The following LRRC18 variants were observed in gnomAD, a reference collection of about 807,000 sequenced individuals.
LRRC18 encodes leucine rich repeat containing 18, also known as leucine-rich repeat-containing protein 18.
In LRRC18, 12 loss-of-function variants were observed where a neutral mutation model predicts 11.2. The ratio of observed to expected loss-of-function variants is 1.07; its 90% CI spans 0.69 to 1.74. LRRC18 has a LOEUF of 1.74. LRRC18 is among the 40% of genes most tolerant of loss of function. LRRC18 has a pLI of 0.00. For missense variants in LRRC18, 374 were observed against 330.5 expected, an observed-to-expected ratio of 1.13 and a Z score of -1.02; for synonymous variants, 155 against 130.6, an observed-to-expected ratio of 1.19 and a Z score of -1.27.
exon 1 of LRRC18, chr10:48,914,007 C>T: frequency 6.2e-7 from 1 of 1,614,212 alleles, no homozygotes. Context: ...GTCCATGTCA[C>T]TAAGGCGCAG....
chr10:48,923,556 A>G, the LRRC18 span, among the ~76,000 whole-genome samples: 1 of 145,432 alleles, frequency 6.9e-6, no homozygotes, highest in South Asian at 2.3e-4. Flanking sequence ...TGGCAACCCT[A>G]TCCCATGGGC....
At chr10:48,927,775 A>G in the LRRC18 span, among the ~76,000 whole-genome samples, 1 of 152,252 alleles carries the variant, frequency 6.6e-6, no homozygotes, top group African/African-American at 2.4e-5. Context: ...CACACGGCCC[A>G]ATAACAAAAG....
exon 1 of LRRC18, chr10:48,913,997 G>T: frequency 6.2e-7 from 1 of 1,614,176 alleles, no homozygotes; most frequent in Middle Eastern, 1.6e-4. Context: ...GGTCCAGCTC[G>T]TCCATGTCAC....
At chr10:48,910,681 T>C (rs1412440138) in intron 1 of LRRC18, among the ~76,000 whole-genome samples, 4 of 152,168 alleles carry the variant, frequency 2.6e-5, no homozygotes, top group Middle Eastern at 3.2e-3. Flanking sequence ...GTCTCAATCC[T>C]GGTAAAGTTA....
At chr10:48,926,174 C>T in the LRRC18 span, among the ~76,000 whole-genome samples, 3 of 152,200 alleles carry the variant, frequency 2.0e-5, no homozygotes, top group South Asian at 4.1e-4. Flanking sequence ...AGGAAGCCAT[C>T]CTGGAATCCT....
At chr10:48,919,043 A>G (rs1230548880), upstream of LRRC18, among the ~76,000 whole-genome samples, 1 of 152,222 alleles carries the variant, frequency 6.6e-6, no homozygotes. Context: ...TACATATGGA[A>G]TATCCACTAA....
At chr10:48,930,899 C>A in the LRRC18 span, among the ~76,000 whole-genome samples, 1 of 152,130 alleles carries the variant, frequency 6.6e-6, no homozygotes, top group Non-Finnish European at 1.5e-5. Context: ...CACACATGCA[C>A]CCCCATACCC....
At chr10:48,929,954 T>C in the LRRC18 span, among the ~76,000 whole-genome samples, 1 of 152,116 alleles carries the variant, frequency 6.6e-6, no homozygotes, top group Non-Finnish European at 1.5e-5. Context: ...TCCAATAGCA[T>C]CTGGCATCTA....
At chr10:48,924,200 T>C in the LRRC18 span, among the ~76,000 whole-genome samples, 96,134 of 152,106 alleles carry the variant, frequency 0.63, 31,087 homozygotes, top group East Asian at 1. Flanking sequence ...CTTCCACCCT[T>C]TCTGCGCTTC....
intron 1 of LRRC18, among the ~76,000 whole-genome samples, chr10:48,911,454 A>T (rs1054999727): frequency 6.6e-6 from 1 of 152,228 alleles, no homozygotes; most frequent in East Asian, 1.9e-4. Flanking sequence ...AAAATATTTT[A>T]AAATGTTTTA....
chr10:48,939,375 C>A, the LRRC18 span, among the ~76,000 whole-genome samples: 3 of 152,302 alleles, frequency 2.0e-5, no homozygotes, highest in South Asian at 6.2e-4. Context: ...CAGGTGTGGC[C>A]AGTGTGTTGC....
upstream of LRRC18, among the ~76,000 whole-genome samples, chr10:48,917,859 C>A (rs377422491): frequency 5.9e-5 from 9 of 152,070 alleles, no homozygotes; most frequent in African/African-American, 1.9e-4. Context: ...TCTAAATACC[C>A]TTAAAATATG....
At chr10:48,926,630 G>C in the LRRC18 span, among the ~76,000 whole-genome samples, 1 of 152,048 alleles carries the variant, frequency 6.6e-6, no homozygotes, top group Non-Finnish European at 1.5e-5. Flanking sequence ...CACTGTCCAG[G>C]GGCCAATATG....
At chr10:48,926,495 C>T in the LRRC18 span, among the ~76,000 whole-genome samples, 5 of 152,188 alleles carry the variant, frequency 3.3e-5, no homozygotes, top group African/African-American at 1.2e-4. Context: ...GAGAGGCAGC[C>T]TTAGCCAAAG....
At chr10:48,929,274 G>A in the LRRC18 span, among the ~76,000 whole-genome samples, 1 of 151,740 alleles carries the variant, frequency 6.6e-6, no homozygotes, top group African/African-American at 2.4e-5. Context: ...AGGAAGGGAG[G>A]GTGGGAGGAG....
At position 48,913,996 on chromosome 10, in the gene LRRC18, C is replaced by A. The variant is rs191550753; in HGVS notation, c.160G>T (p.Glu54Ter). The change falls in exon 1 of 2, where the codon GAG becomes TAG. Residue 54 changes from glutamate to a stop codon, truncating the protein, a stop_gained. Transcript: ENST00000374160. LOFTEE classifies it high-confidence loss of function. ...ATAAGATTCCGGCTAAGGTCCAGCTCGTCCATGTCACTAAGGCGCAGAATA... is the reference window on the plus strand; with the variant it reads ...ATAAGATTCCGGCTAAGGTCCAGCTAGTCCATGTCACTAAGGCGCAGAATA... The A allele has an allele frequency of 5.0e-6, 8 of 1,613,998 alleles. No individual in the cohort carries two copies. The highest frequency in any genetic ancestry group is 6.8e-6 in the Non-Finnish European group (8 of 1,180,014).
chr10:48,913,426 T>C (rs778278908), exon 1 of LRRC18: 2 of 1,613,010 alleles, frequency 1.2e-6, no homozygotes, highest in Non-Finnish European at 1.7e-6. Flanking sequence ...GCCATGGAAT[T>C]GGGTGAGATC....
intron 1 of LRRC18, among the ~76,000 whole-genome samples, chr10:48,911,715 G>A (rs1343244591): frequency 1.3e-5 from 2 of 152,154 alleles, no homozygotes; most frequent in Non-Finnish European, 2.9e-5. Context: ...TGCCAGCATT[G>A]CAGCTGACAT....
chr10:48,924,153 C>G, the LRRC18 span, among the ~76,000 whole-genome samples: 2 of 152,206 alleles, frequency 1.3e-5, no homozygotes, highest in Admixed American at 1.3e-4. Context: ...GAGTCTGGGT[C>G]CCTAGGCAGC....
Sources: gnomAD v4.1 joint callset for allele counts (sites outside exome capture counted in the v4.1 genomes callset) on GRCh38, gnomAD v4.1.1 for gene constraint, MANE v1.5 for transcripts, NCBI Gene and HGNC (gene_info 2026-07-23, HGNC 2026-07-21) for gene names.